The following IGSF21 variants were observed in gnomAD, a reference collection of about 807,000 sequenced individuals.
The protein encoded by IGSF21 is immunoglobulin superfamily member 21.
A neutral mutation model predicts 46.8 loss-of-function variants in IGSF21; 28 were observed. The observed-to-expected ratio is 0.60, with a 90% CI of 0.44 to 0.82. The LOEUF is 0.82. IGSF21 is among the 40% of genes least tolerant of loss of function. IGSF21 has a pLI of 0.00. For synonymous variants in IGSF21, 284 were observed against 273.6 expected (o/e 1.04, Z -0.38); for missense variants, 624 against 665.5 (o/e 0.94, Z 0.69).
At chr1:18,199,871 A>T (rs932888689) in intron 1 of IGSF21, among the ~76,000 whole-genome samples, 2 of 151,982 alleles carry the variant, frequency 1.3e-5, no homozygotes, top group Non-Finnish European at 2.9e-5. Flanking sequence ...TTGGGGGCTC[A>T]CACTAGGGAA....
intron 3 of IGSF21, among the ~76,000 whole-genome samples, chr1:18,331,047 A>G (rs1019487382): frequency 2.0e-5 from 3 of 152,162 alleles, no homozygotes; most frequent in Admixed American, 6.5e-5. Context: ...TCGAATTGAT[A>G]TTGCTGTTTC....
chr1:18,123,575 T>C (rs2086252515), intron 1 of IGSF21, among the ~76,000 whole-genome samples: 1 of 151,938 alleles, frequency 6.6e-6, no homozygotes, highest in African/African-American at 2.4e-5. Flanking sequence ...CTAGGGAGAG[T>C]GCAGAAAAGG....
chr1:18,311,952 T>A (rs1236620851), intron 3 of IGSF21, among the ~76,000 whole-genome samples: 1 of 152,190 alleles, frequency 6.6e-6, no homozygotes, highest in Non-Finnish European at 1.5e-5. Flanking sequence ...ATCAGCTCCC[T>A]CCTCTGGTCC....
At chr1:18,356,012 T>C (rs527641671) in intron 4 of IGSF21, among the ~76,000 whole-genome samples, 1 of 152,124 alleles carries the variant, frequency 6.6e-6, no homozygotes, top group African/African-American at 2.4e-5. Flanking sequence ...ATTGCGTATT[T>C]TTAGTAGAGA....
intron 1 of IGSF21, among the ~76,000 whole-genome samples, chr1:18,183,896 C>T (rs757578236): frequency 2.9e-4 from 44 of 152,170 alleles, no homozygotes; most frequent in Admixed American, 1.0e-3. Flanking sequence ...CTCAACCGAA[C>T]ATCCCATTGG....
At chr1:18,298,296 G>A (rs1010399896) in intron 3 of IGSF21, among the ~76,000 whole-genome samples, 12 of 151,386 alleles carry the variant, frequency 7.9e-5, no homozygotes, top group African/African-American at 2.2e-4. Flanking sequence ...AGACAAAGCC[G>A]TCCACAGAGG....
At chr1:18,154,317 G>A (rs562454956) in intron 1 of IGSF21, among the ~76,000 whole-genome samples, 7 of 152,138 alleles carry the variant, frequency 4.6e-5, no homozygotes, top group East Asian at 1.9e-4. Context: ...TTTCAAGGCC[G>A]CGAGTCCCAT....
intron 2 of IGSF21, among the ~76,000 whole-genome samples, chr1:18,236,041 G>A (rs955950237): frequency 3.3e-5 from 5 of 152,204 alleles, no homozygotes; most frequent in African/African-American, 1.2e-4. Flanking sequence ...CTTCGGCTGG[G>A]TTTGCAGGAG....
At chr1:18,113,333 A>G (rs555690423) in intron 1 of IGSF21, 27 of 152,236 alleles carry the variant, frequency 1.8e-4, no homozygotes, top group African/African-American at 6.3e-4. Flanking sequence ...CATGTTCACT[A>G]AGACCCCCGG....
intron 2 of IGSF21, among the ~76,000 whole-genome samples, chr1:18,284,769 T>C (rs1160065621): frequency 6.6e-6 from 1 of 152,228 alleles, no homozygotes. Context: ...GGTATCGCCT[T>C]AGGCTGTTTA....
At chr1:18,299,627 A>G (rs1251752997) in intron 3 of IGSF21, among the ~76,000 whole-genome samples, 1 of 152,230 alleles carries the variant, frequency 6.6e-6, no homozygotes, top group Non-Finnish European at 1.5e-5. Flanking sequence ...CTCAGCAACA[A>G]CAAACACAGG....
intron 6 of IGSF21, among the ~76,000 whole-genome samples, chr1:18,374,610 C>A (rs1002760703): frequency 6.6e-6 from 1 of 152,166 alleles, no homozygotes; most frequent in Non-Finnish European, 1.5e-5. Context: ...GCAAGCCCTG[C>A]TCTTCCCACG....
At chr1:18,173,545 T>C (rs1323358700) in intron 1 of IGSF21, among the ~76,000 whole-genome samples, 1 of 152,170 alleles carries the variant, frequency 6.6e-6, no homozygotes, top group East Asian at 1.9e-4. Flanking sequence ...TGGTCTTTTC[T>C]AGAATTTCCT....
intron 2 of IGSF21, among the ~76,000 whole-genome samples, chr1:18,275,981 C>T (rs888374493): frequency 2.0e-5 from 3 of 152,272 alleles, no homozygotes; most frequent in East Asian, 3.9e-4. Context: ...ATTTCTCCGC[C>T]GTGCCCATAT....
intron 4 of IGSF21, among the ~76,000 whole-genome samples, chr1:18,342,466 A>C (rs188524700): frequency 1.5e-4 from 23 of 152,342 alleles, no homozygotes; most frequent in Non-Finnish European, 2.6e-4. Flanking sequence ...TGTAAAGTGT[A>C]AAAAACAGTG....
In IGSF21 at chr1:18,283,439, C is replaced by A. The variant is rs143251646; in HGVS notation, c.184-8427C>A. Among the ~76,000 whole-genome samples, 393 of 152,246 alleles carry A rather than the reference C, an allele frequency of 2.6e-3. 6 individuals are homozygous for A. Among genetic ancestry groups the A allele is most frequent in the African/African-American group, 9.2e-3 (384 of 41,542 alleles). ...TTGGGGAGGACAGAGCCTGCCCTACCCTCTCTGAGGCTGCTTCTCTGGCCC... is the reference window on the plus strand; with the variant it reads ...TTGGGGAGGACAGAGCCTGCCCTACACTCTCTGAGGCTGCTTCTCTGGCCC... On this transcript the variant is annotated intron_variant, in intron 2 of 9. Transcript: ENST00000251296.
At chr1:18,164,057 A>G (rs11260940) in intron 1 of IGSF21, among the ~76,000 whole-genome samples, 61,662 of 152,116 alleles carry the variant, frequency 0.41, 12,742 homozygotes, top group Middle Eastern at 0.47. Context: ...TGGCTGACAC[A>G]TGGAGGATAA....
rs536843387 is a variant in IGSF21, at chr1:18,366,922, A to G, written c.1015+1225A>G. On this transcript the variant is annotated intron_variant, in intron 6 of 9. Transcript: ENST00000251296. ...GGGAGATGTGGAATCTTCGTTGCTGAAAATATACAAGACTCATCTCCAGTT... is the reference window on the plus strand; with the variant it reads ...GGGAGATGTGGAATCTTCGTTGCTGGAAATATACAAGACTCATCTCCAGTT... 2.7e-4 allele frequency among the ~76,000 whole-genome samples: 41 copies of G among 152,276 alleles called. No homozygotes were observed. In the South Asian group the frequency reaches 6.4e-3, roughly 24 times the overall value.
At chr1:18,169,887 T>C (rs927957991) in intron 1 of IGSF21, among the ~76,000 whole-genome samples, 1 of 149,382 alleles carries the variant, frequency 6.7e-6, no homozygotes, top group Admixed American at 6.7e-5. Context: ...AAGACAGGAG[T>C]GGAGCAGGGT....
Sources: allele counts gnomAD v4.1 joint callset (sites outside exome capture counted in the v4.1 genomes callset), GRCh38; gene constraint gnomAD v4.1.1; transcripts MANE v1.5; gene names NCBI Gene and HGNC (gene_info 2026-07-23, HGNC 2026-07-21).